Variants in BRDT observed in about 807,000 individuals in gnomAD.
BRDT encodes bromodomain testis-specific protein.
BRDT carries 77 observed loss-of-function variants against 113.9 expected under a neutral mutation model. That is an observed-to-expected ratio of 0.68 (90% CI 0.56 to 0.82). The LOEUF is 0.82. Among genes scored for constraint, BRDT ranks in the 40% least tolerant of loss-of-function variants. The probability of loss-of-function intolerance (pLI) is 0.00; values close to 1 mark genes in which losing one functional copy is unlikely to be tolerated. For synonymous variants in BRDT, 358 were observed against 366.5 expected (o/e 0.98, Z 0.26); for missense variants, 1,027 against 1,105.4 (o/e 0.93, Z 1.01).
At chr1:91,990,534 C>T (rs1033375061) in intron 12 of BRDT, among the ~76,000 whole-genome samples, 1 of 152,080 alleles carries the variant, frequency 6.6e-6, no homozygotes, top group African/African-American at 2.4e-5. Flanking sequence ...TGTTTGAAAC[C>T]TTATCTCTGT....
intron 1 of BRDT, among the ~76,000 whole-genome samples, chr1:91,960,127 A>C (rs1273090527): frequency 6.6e-6 from 1 of 152,206 alleles, no homozygotes; most frequent in Non-Finnish European, 1.5e-5. Context: ...TTGACCATGG[A>C]AAATGGGATG....
chr1:92,009,006 A>G (rs1298619129), intron 18 of BRDT, among the ~76,000 whole-genome samples: 1 of 152,200 alleles, frequency 6.6e-6, no homozygotes, highest in Non-Finnish European at 1.5e-5. Context: ...ATTTTTTAGT[A>G]TATAATACAT....
At chr1:92,011,852 A>G (rs1455345192) in intron 18 of BRDT, among the ~76,000 whole-genome samples, 1 of 152,224 alleles carries the variant, frequency 6.6e-6, no homozygotes, top group Non-Finnish European at 1.5e-5. Flanking sequence ...CTATAAAGCA[A>G]TAATAACTTG....
At chr1:92,006,251 A>G (rs1265032094) in intron 18 of BRDT, among the ~76,000 whole-genome samples, 2 of 152,186 alleles carry the variant, frequency 1.3e-5, no homozygotes, top group Admixed American at 6.5e-5. Flanking sequence ...CTTCTTGTTC[A>G]TTATGAAATG....
chr1:91,960,467 T>G (rs1414678708), intron 1 of BRDT, among the ~76,000 whole-genome samples: 1 of 152,218 alleles, frequency 6.6e-6, no homozygotes, highest in Non-Finnish European at 1.5e-5. Flanking sequence ...GATTTGTCAC[T>G]TTAATGAAGC....
Position 91,949,404 on chromosome 1 carries a change from A to T in BRDT, c.-316A>T, listed in dbSNP as rs910957050. 1 of 152,232 alleles carries T rather than the reference A, an allele frequency of 6.6e-6. No individual in the cohort carries two copies. Among genetic ancestry groups the T allele is most frequent in the Non-Finnish European group, 1.5e-5 (1 of 68,060 alleles). The allele number at this position is 152,232 out of a possible 1,614,324, so 9.4% of individuals were successfully genotyped here. A position where few individuals can be genotyped will look rare whatever the true frequency, so the allele number is the denominator to read the frequency against. On this transcript the variant is annotated 5_prime_UTR_variant, in exon 1 of 19. Coordinates refer to ENST00000399546, the MANE Select transcript of BRDT (RefSeq NM_207189.4). The stretch of plus-strand genomic sequence containing the variant: ...CGCCTGTCGCGCGACCGCCATTACA[A>T]CAAAAACTGGCGGCGAGGAACTGCG...
intron 12 of BRDT, 58 bp downstream of exon 12, chr1:91,981,813 T>G: frequency 6.8e-7 from 1 of 1,481,050 alleles, no homozygotes; most frequent in Non-Finnish European, 9.0e-7. Flanking sequence ...TCCTGTAATA[T>G]TGATTTATAT....
chr1:91,996,631 AAG>A (rs1686366156), intron 15 of BRDT, among the ~76,000 whole-genome samples: 1 of 152,240 alleles, frequency 6.6e-6, no homozygotes, highest in African/African-American at 2.4e-5. Flanking sequence ...AGGATTAAGT[AAG>A]GACACTGAAT....
chr1:91,981,215 TA>T, intron 10 of BRDT, 37 bp downstream of exon 10: 1 of 1,608,792 alleles, frequency 6.2e-7, no homozygotes, highest in Non-Finnish European at 8.5e-7. Context: ...ATCGGTTTGG[TA>T]TTTATGTTGG....
At chr1:91,984,390 CAT>C (rs1685008542) in intron 12 of BRDT, among the ~76,000 whole-genome samples, 1 of 152,050 alleles carries the variant, frequency 6.6e-6, no homozygotes, top group African/African-American at 2.4e-5. Context: ...CAAGTCAAAT[CAT>C]ATCATTAGCA....
intron 7 of BRDT, among the ~76,000 whole-genome samples, chr1:91,978,728 C>A (rs1684392242): frequency 2.6e-5 from 4 of 152,064 alleles, no homozygotes; most frequent in Non-Finnish European, 4.4e-5. Context: ...TGGCCCGGCG[C>A]GGTGGCTCAC....
At chr1:91,957,337 C>CA (rs1681890636) in intron 1 of BRDT, among the ~76,000 whole-genome samples, 1 of 152,012 alleles carries the variant, frequency 6.6e-6, no homozygotes, top group South Asian at 2.1e-4. Context: ...ACTAAAAATA[C>CA]AAAAAACTAG....
At chr1:91,983,902 G>A (rs189146357) in intron 12 of BRDT, among the ~76,000 whole-genome samples, 2 of 151,954 alleles carry the variant, frequency 1.3e-5, no homozygotes, top group Non-Finnish European at 2.9e-5. Context: ...GGCTGGTCTT[G>A]AACTCCTGAC....
rs937922749 is a variant in BRDT, at chr1:91,978,219, G to A, written c.1021G>A (p.Val341Ile). 3.1e-6 allele frequency: 5 copies of A among 1,613,918 alleles called. No homozygotes were observed. Among genetic ancestry groups the A allele is most frequent in the Non-Finnish European group, 4.2e-6 (5 of 1,179,968 alleles). The change falls in exon 7 of 19, where the codon GTT (valine) becomes ATT (isoleucine). Residue 341 changes from valine (V) to isoleucine (I), a missense_variant. By Grantham distance (29) the Val-to-Ile change is conservative. Transcript: ENST00000399546. ...GGATGCATACAAATTTGCGGCAGAT[G>A]TTAGATTAATGTTCATGAATTGCTA... ...YKDAYKFAAD[V>I]RLMFMNCYKY...
At chr1:91,950,973 A>G (rs568073571) in intron 1 of BRDT, among the ~76,000 whole-genome samples, 2 of 151,482 alleles carry the variant, frequency 1.3e-5, no homozygotes, top group East Asian at 3.9e-4. Flanking sequence ...TGTGGCAGTG[A>G]GCTGAGATCG....
At chr1:91,994,694 C>G (rs1686111823) in intron 15 of BRDT, among the ~76,000 whole-genome samples, 1 of 151,190 alleles carries the variant, frequency 6.6e-6, no homozygotes, top group Non-Finnish European at 1.5e-5. Context: ...CGGTGAAACC[C>G]CGTCTCTACT....
At chr1:92,008,062 C>A (rs926569915) in intron 18 of BRDT, among the ~76,000 whole-genome samples, 5 of 152,084 alleles carry the variant, frequency 3.3e-5, no homozygotes, top group African/African-American at 1.2e-4. Flanking sequence ...GGATTCCAGG[C>A]ACCCACCACC....
chr1:92,000,429 G>A (rs777318288), intron 15 of BRDT, among the ~76,000 whole-genome samples: 1 of 152,128 alleles, frequency 6.6e-6, no homozygotes, highest in South Asian at 2.1e-4. Flanking sequence ...GTGTACAGAC[G>A]TACAAATTAA....
intron 1 of BRDT, chr1:91,949,960 T>G (rs1159205566): frequency 6.6e-6 from 1 of 152,254 alleles, no homozygotes; most frequent in Non-Finnish European, 1.5e-5. Flanking sequence ...CAGGAGAAAG[T>G]ACGGAGCGTT....
Sources: gnomAD v4.1 joint callset for allele counts (sites outside exome capture counted in the v4.1 genomes callset) on GRCh38, gnomAD v4.1.1 for gene constraint, MANE v1.5 for transcripts, NCBI Gene and HGNC (gene_info 2026-07-23, HGNC 2026-07-21) for gene names.